Variants in CELA3B observed in about 807,000 individuals in gnomAD.
The protein encoded by CELA3B is chymotrypsin-like elastase family member 3B.
A neutral mutation model predicts 37.2 loss-of-function variants in CELA3B; 34 were observed. The ratio of observed to expected loss-of-function variants is 0.91; its 90% CI spans 0.70 to 1.22. The LOEUF (loss-of-function observed/expected upper bound fraction) is 1.22. Among genes scored for constraint, CELA3B ranks in the 50% most tolerant of loss-of-function variants. The pLI, the probability that CELA3B is intolerant of heterozygous loss-of-function variation, is 0.00. For missense variants in CELA3B, 340 were observed against 363.1 expected, an observed-to-expected ratio of 0.94 and a Z score of 0.52; for synonymous variants, 127 against 143.5, an observed-to-expected ratio of 0.89 and a Z score of 0.82.
At chr1:21,986,443 C>A in intron 6 of CELA3B, 88 bp from the exon 7 acceptor site, 5 of 1,532,160 alleles carry the variant, frequency 3.3e-6, no homozygotes, top group Non-Finnish European at 3.5e-6. Context: ...CAGGTAATGT[C>A]GGAGTTTCTC....
downstream of CELA3B, among the ~76,000 whole-genome samples, chr1:21,991,581 C>T (rs1644869057): frequency 6.6e-6 from 1 of 150,946 alleles, no homozygotes; most frequent in Non-Finnish European, 1.5e-5. Context: ...AGTGATCCAC[C>T]CGCCTTGGCC....
rs370414357 is a variant in CELA3B at position 21,978,407 on chromosome 1, C to T, written c.82C>T (p.Arg28Cys). The T allele has an allele frequency of 6.2e-7, 1 of 1,614,112 alleles. No individual in the cohort carries two copies. The highest frequency in any genetic ancestry group is 8.5e-7 in the Non-Finnish European group (1 of 1,179,956). ...YGPPSSRPSSRVVNGEDAVPY... is the reference protein window; with the variant it reads ...YGPPSSRPSSCVVNGEDAVPY... The stretch of plus-strand genomic sequence containing the variant: ...CCCACCTTCCTCTCGCCCTTCCAGC[C>T]GCGTTGTCAATGGTGAGGATGCGGT... The change falls in exon 2 of 8, where the codon CGC becomes TGC. Residue 28 changes from arginine (R) to cysteine (C), a missense_variant. Transcript: ENST00000337107.
chr1:21,991,989 G>A (rs1644870834), downstream of CELA3B, among the ~76,000 whole-genome samples: 1 of 149,084 alleles, frequency 6.7e-6, no homozygotes, highest in South Asian at 2.1e-4. Flanking sequence ...GTGTGGTGGT[G>A]GGTGCCTGTA....
At chr1:21,981,757 G>A (rs1644806317) in intron 4 of CELA3B, among the ~76,000 whole-genome samples, 1 of 149,280 alleles carries the variant, frequency 6.7e-6, no homozygotes. Flanking sequence ...ATGCAGTCTC[G>A]CTCTGTCGCC....
chr1:21,977,189 G>A lies in CELA3B; in HGVS notation c.43+107G>A, dbSNP rs1289093739. ...ATGACACCCTATGCCTGGTTCCACA[G>A]GAGGGGGTCTCAGCTTGTACCCGGG... On this transcript the variant is annotated intron_variant, in intron 1 of 7. Coordinates refer to ENST00000337107, the MANE Select transcript of CELA3B (RefSeq NM_007352.4). The A allele has an allele frequency of 7.2e-6, 11 of 1,531,272 alleles. No individual in the cohort carries two copies. In the Admixed American group the frequency reaches 1.5e-4, roughly 21 times the overall value. The allele number at this position is 1,531,272 out of a possible 1,614,324, so 94.9% of individuals were successfully genotyped here.
In CELA3B at chr1:21,996,015, A is replaced by T. The variant is rs187358976; in HGVS notation, c.505-2136A>T. On this transcript the variant is annotated intron_variant, in intron 4 of 4. Transcript: ENST00000400277. ...GATCACCTGAGGTCGGGAGTTCGAG[A>T]CCAACCTGACCAACATGGCAAAATG... 2.1e-3 allele frequency among the ~76,000 whole-genome samples: 313 copies of T among 150,154 alleles called. 11 individuals carry two copies. Among genetic ancestry groups the T allele is most frequent in the African/African-American group, 7.5e-3 (303 of 40,156 alleles).
intron 1 of CELA3B, chr1:21,977,811 A>T (rs1249443837): frequency 1.3e-5 from 4 of 319,116 alleles, no homozygotes; most frequent in Admixed American, 4.5e-5. Flanking sequence ...CAATCCTACC[A>T]CCTTAGCCTC....
intron 7 of CELA3B, 67 bp from the exon 8 acceptor site, chr1:21,989,195 G>A (rs1286749340): frequency 3.2e-6 from 5 of 1,554,330 alleles, no homozygotes; most frequent in Non-Finnish European, 3.5e-6. Context: ...GTTGAACCCA[G>A]TTTCATCTGA....
chr1:21,992,887 C>T (rs1382890408), downstream of CELA3B, among the ~76,000 whole-genome samples: 1 of 149,818 alleles, frequency 6.7e-6, no homozygotes, highest in Non-Finnish European at 1.5e-5. Flanking sequence ...ATCACTTGAG[C>T]CCGAGAGGTT....
chr1:21,988,305 T>C (rs1644851061), intron 7 of CELA3B, among the ~76,000 whole-genome samples: 1 of 151,152 alleles, frequency 6.6e-6, no homozygotes, highest in Non-Finnish European at 1.5e-5. Flanking sequence ...AAAATATATA[T>C]ATAAGGCCAG....
chr1:21,994,264 C>T (rs941459454), downstream of CELA3B, among the ~76,000 whole-genome samples: 17 of 150,882 alleles, frequency 1.1e-4, 1 homozygote, highest in South Asian at 2.1e-4. Context: ...AGAAACCTCC[C>T]TCCTATCCTC....
In CELA3B at chr1:21,996,679, A is replaced by T. The variant is rs531257656; in HGVS notation, c.505-1472A>T. Among the ~76,000 whole-genome samples, 24 of 150,854 alleles carry T rather than the reference A, an allele frequency of 1.6e-4. No homozygotes were observed. In the South Asian group the frequency reaches 1.9e-3, roughly 12 times the overall value. ...ACCCTCTCTTGGCATCTAGATTGGG[A>T]CCCCTTTCCTGTAACATCGGGAAGG... is the stretch of plus-strand genomic sequence containing the variant. On this transcript the variant is annotated intron_variant, in intron 4 of 4. Coordinates refer to the CELA3B transcript ENST00000400277.
intron 4 of CELA3B, among the ~76,000 whole-genome samples, chr1:21,981,927 G>T (rs575520679): frequency 6.6e-6 from 1 of 151,856 alleles, no homozygotes; most frequent in Non-Finnish European, 1.5e-5. Context: ...GGGTTTCACC[G>T]TGTTAGCCAG....
chr1:21,980,220 C>T (rs1644796136), intron 2 of CELA3B, among the ~76,000 whole-genome samples: 1 of 138,484 alleles, frequency 7.2e-6, no homozygotes, highest in Admixed American at 7.5e-5. Flanking sequence ...TGGCTCACGC[C>T]TGTAATCCCA....
At chr1:21,981,430 G>T (rs1166350340) in intron 4 of CELA3B, among the ~76,000 whole-genome samples, 5 of 151,752 alleles carry the variant, frequency 3.3e-5, no homozygotes, top group African/African-American at 1.2e-4. Flanking sequence ...AGGCCACTTG[G>T]CTAGTGGCTT....
At chr1:21,986,443 C>T (rs1169906706) in intron 6 of CELA3B, 88 bp from the exon 7 acceptor site, 24 of 1,532,044 alleles carry the variant, frequency 1.6e-5, no homozygotes, top group East Asian at 6.9e-5. Flanking sequence ...CAGGTAATGT[C>T]GGAGTTTCTC....
At chr1:21,996,453 G>A (rs985220578) in intron 4 of CELA3B, among the ~76,000 whole-genome samples, 6 of 151,160 alleles carry the variant, frequency 4.0e-5, no homozygotes, top group South Asian at 2.1e-4. Context: ...CCATGGCAAC[G>A]TCAGGAAGTT....
intron 6 of CELA3B, among the ~76,000 whole-genome samples, chr1:21,985,489 G>A (rs558663085): frequency 3.0e-4 from 45 of 151,908 alleles, no homozygotes; most frequent in African/African-American, 8.7e-4. Context: ...TGTTGCCCAG[G>A]CTTGTCTCTA....
intron 4 of CELA3B, among the ~76,000 whole-genome samples, chr1:21,983,445 T>C (rs6698795): frequency 0.85 from 116,925 of 137,628 alleles, 49,570 homozygotes; most frequent in Non-Finnish European, 0.91. Flanking sequence ...CTTCAGGAGG[T>C]GAAAGCAGGA....
Sources: gnomAD v4.1 joint callset for allele counts (sites outside exome capture counted in the v4.1 genomes callset) on GRCh38, gnomAD v4.1.1 for gene constraint, MANE v1.5 for transcripts, NCBI Gene and HGNC (gene_info 2026-07-23, HGNC 2026-07-21) for gene names.